Variants in CEP63 observed in about 807,000 individuals in gnomAD.
CEP63 encodes centrosomal protein of 63 kDa.
In CEP63, 84 loss-of-function variants were observed where a neutral mutation model predicts 89.1. The observed-to-expected ratio is 0.94, with a 90% CI of 0.79 to 1.13. The LOEUF (loss-of-function observed/expected upper bound fraction) is 1.13, where lower values mean the gene tolerates loss of function less well. Ranked by LOEUF, CEP63 falls within the 50% of genes most tolerant of loss-of-function variation. The pLI, the probability that CEP63 is intolerant of heterozygous loss-of-function variation, is 0.00. For missense variants in CEP63, 838 were observed against 813.3 expected (o/e 1.03, Z -0.37); for synonymous variants, 267 against 272.5 (o/e 0.98, Z 0.20).
intron 1 of CEP63, among the ~76,000 whole-genome samples, chr3:134,494,636 G>A (rs1380273514): frequency 2.0e-5 from 3 of 152,160 alleles, no homozygotes; most frequent in African/African-American, 7.2e-5. Flanking sequence ...TTCTGCCCTG[G>A]AGGGATGAAT....
the CEP63 span, among the ~76,000 whole-genome samples, chr3:134,741,810 T>C: frequency 1.3e-5 from 2 of 152,220 alleles, no homozygotes; most frequent in Non-Finnish European, 2.9e-5. Context: ...GATTGTTTGC[T>C]CCCTTCTGCA....
intron 3 of CEP63, among the ~76,000 whole-genome samples, chr3:134,524,079 T>C (rs1948111598): frequency 1.3e-5 from 2 of 152,160 alleles, no homozygotes; most frequent in Non-Finnish European, 2.9e-5. Flanking sequence ...CAGTGTTGTA[T>C]ATTTTTTCTA....
the CEP63 span, among the ~76,000 whole-genome samples, chr3:134,767,027 C>T: frequency 6.6e-6 from 1 of 152,190 alleles, no homozygotes; most frequent in African/African-American, 2.4e-5. Flanking sequence ...TGGATACTCA[C>T]CCCACCCACA....
chr3:134,676,436 A>G, the CEP63 span, among the ~76,000 whole-genome samples: 1 of 152,200 alleles, frequency 6.6e-6, no homozygotes, highest in Non-Finnish European at 1.5e-5. Context: ...GTAGGGAAAA[A>G]TGGCGGAGTG....
chr3:134,495,965 A>G (rs1939749477), intron 2 of CEP63, among the ~76,000 whole-genome samples: 1 of 152,160 alleles, frequency 6.6e-6, no homozygotes, highest in Non-Finnish European at 1.5e-5. Context: ...TTCTTTATCC[A>G]TTAATCTGCT....
chr3:134,691,060 T>A, the CEP63 span, among the ~76,000 whole-genome samples: 3 of 152,326 alleles, frequency 2.0e-5, no homozygotes, highest in South Asian at 4.1e-4. Context: ...AGATATTTTT[T>A]AAATTATTTC....
the CEP63 span, among the ~76,000 whole-genome samples, chr3:134,768,735 T>G: frequency 6.6e-6 from 1 of 152,336 alleles, no homozygotes; most frequent in South Asian, 2.1e-4. Flanking sequence ...CCCCTGGTTA[T>G]CCAATGAAAC....
the CEP63 span, among the ~76,000 whole-genome samples, chr3:134,625,318 G>T: frequency 1.3e-5 from 2 of 152,246 alleles, no homozygotes; most frequent in Non-Finnish European, 2.9e-5. Context: ...GATCAAGTTA[G>T]TTTGGGAACC....
chr3:134,521,828 C>T lies in CEP63; in HGVS notation c.223-10017C>T, dbSNP rs149485428. ...TTCAGTGTTACTGAAGTTTTATTTT[C>T]TGGGAGGGGGATGTTGAATTCCACA... On this transcript the variant is annotated intron_variant, in intron 3 of 14. Coordinates refer to ENST00000675561, the MANE Select transcript of CEP63 (RefSeq NM_001353108.3). Among the ~76,000 whole-genome samples, 179 of 152,218 alleles carry T rather than the reference C, an allele frequency of 1.2e-3. 1 individual carries two copies. Among genetic ancestry groups the T allele is most frequent in the African/African-American group, 4.1e-3 (172 of 41,544 alleles).
intron 12 of CEP63, among the ~76,000 whole-genome samples, chr3:134,555,968 C>T (rs1269423708): frequency 2.0e-5 from 3 of 150,596 alleles, no homozygotes; most frequent in East Asian, 2.0e-4. Context: ...GAAATAATGC[C>T]GCATATCTAC....
chr3:134,773,534 A>G, the CEP63 span, among the ~76,000 whole-genome samples: 1 of 152,246 alleles, frequency 6.6e-6, no homozygotes, highest in Non-Finnish European at 1.5e-5. Flanking sequence ...GACCCAGCTT[A>G]TCTCTCACAG....
the CEP63 span, among the ~76,000 whole-genome samples, chr3:134,638,700 A>C: frequency 2.0e-5 from 3 of 152,206 alleles, no homozygotes; most frequent in African/African-American, 7.2e-5. Flanking sequence ...GAATGTCCAC[A>C]TGCTTACTGC....
At chr3:134,608,258 C>T in the CEP63 span, 24 of 1,197,130 alleles carry the variant, frequency 2.0e-5, no homozygotes, top group East Asian at 5.7e-5. Context: ...GCCAGGGTGA[C>T]GTAGTCCTTT....
chr3:134,669,379 T>A, the CEP63 span, among the ~76,000 whole-genome samples: 1 of 152,056 alleles, frequency 6.6e-6, no homozygotes, highest in Non-Finnish European at 1.5e-5. Flanking sequence ...TGTGTTGGGG[T>A]GATGTCCTGC....
chr3:134,581,102 AAT>A (rs1958334319), intron 10 of CEP63, among the ~76,000 whole-genome samples: 1 of 152,194 alleles, frequency 6.6e-6, no homozygotes, highest in Non-Finnish European at 1.5e-5. Context: ...AGTTGTAAAA[AAT>A]ACAAAAACTA....
intron 3 of CEP63, among the ~76,000 whole-genome samples, chr3:134,526,340 G>T (rs146727351): frequency 6.6e-6 from 1 of 151,918 alleles, no homozygotes; most frequent in East Asian, 1.9e-4. Flanking sequence ...TCTTATTTCA[G>T]AAAGCCAGTC....
chr3:134,776,654 C>A, the CEP63 span, among the ~76,000 whole-genome samples: 1 of 152,098 alleles, frequency 6.6e-6, no homozygotes, highest in South Asian at 2.1e-4. Context: ...TGGTTTGGGG[C>A]AGCTGGCTGA....
Position 134,504,846 on chromosome 3 carries a change from C to G in CEP63, c.45-2263C>G, listed in dbSNP as rs191630646. On this transcript the variant is annotated intron_variant, in intron 2 of 14. Coordinates refer to ENST00000675561, the MANE Select transcript of CEP63 (RefSeq NM_001353108.3). ...TTGTTGTTGTCTCATGGGGTTATTT[C>G]AAAAGGTCCATCTTCAAGTTCAGAA... is the stretch of plus-strand genomic sequence containing the variant. 2.0e-5 allele frequency among the ~76,000 whole-genome samples: 3 copies of G among 152,010 alleles called. No individual in the cohort carries two copies. The East Asian group carries it at 5.8e-4, about 29-fold the overall frequency.
At chr3:134,661,623 G>A in the CEP63 span, among the ~76,000 whole-genome samples, 3 of 152,176 alleles carry the variant, frequency 2.0e-5, no homozygotes, top group South Asian at 2.1e-4. Context: ...GCTGAATGAC[G>A]AGCAATTGAA....
Sources: gnomAD v4.1 joint callset for allele counts (sites outside exome capture counted in the v4.1 genomes callset) on GRCh38, gnomAD v4.1.1 for gene constraint, MANE v1.5 for transcripts, NCBI Gene and HGNC (gene_info 2026-07-23, HGNC 2026-07-21) for gene names.